ZNF217: variants seen among roughly 807,000 people sequenced by gnomAD.
ZNF217 encodes zinc finger protein 217.
A neutral mutation model predicts 73.3 loss-of-function variants in ZNF217; 12 were observed. The observed-to-expected ratio is 0.16, with a 90% CI of 0.10 to 0.27. ZNF217 has a LOEUF of 0.27. ZNF217 is among the 10% of genes least tolerant of loss of function. The pLI, the probability that ZNF217 is intolerant of heterozygous loss-of-function variation, is 1.00. For missense variants in ZNF217, 1,195 were observed against 1,327.8 expected, an observed-to-expected ratio of 0.90 and a Z score of 1.55; for synonymous variants, 588 against 516.4, an observed-to-expected ratio of 1.14 and a Z score of -1.88.
rs1389920407 is a variant in ZNF217 at position 53,581,215 on chromosome 20, T to A, written c.1366+246A>T. ...AGCAAAACGATACACGTTTAAAAAA[T>A]ATATATATATTTTCAGAACAAGGAG... On this transcript the variant is annotated intron_variant, in intron 2 of 5. Coordinates refer to ENST00000371471, the MANE Select transcript of ZNF217 (RefSeq NM_006526.3). The surrounding 1 kb of genome is among the most constrained non-coding windows in gnomAD (Gnocchi z 4.9). Among the ~76,000 whole-genome samples the A allele has an allele frequency of 6.6e-6, 1 of 152,044 alleles. No individual in the cohort carries two copies. Among genetic ancestry groups the A allele is most frequent in the Non-Finnish European group, 1.5e-5 (1 of 67,994 alleles).
intron 1 of ZNF217, among the ~76,000 whole-genome samples, chr20:53,584,508 T>A (rs1343138980): frequency 8.5e-5 from 13 of 152,256 alleles, no homozygotes; most frequent in Non-Finnish European, 2.9e-5. Context: ...AAGGAAAGAA[T>A]GTCCTGAAGT....
rs773134339 is a variant in ZNF217 at position 53,581,954 on chromosome 20, A to G, written c.873T>C (p.Asp291=). The G allele has an allele frequency of 4.3e-6, 7 of 1,614,140 alleles. No homozygotes were observed. Among genetic ancestry groups the G allele is most frequent in the East Asian group, 2.2e-5 (1 of 44,878 alleles). ...GCCAAGCCTGGAAGGTGGTGAACGG[A>G]TCGAGCTGAGGGATGCATCTGACAG... ...KKPVRCIPQL[D]PFTTFQAWQL... Residue 291 remains aspartate, a synonymous_variant, in exon 2 of 6, where the codon GAT becomes GAC. Transcript: ENST00000371471. This position sits in a 1 kb window ranked among gnomAD's most constrained non-coding sequence, Gnocchi z 4.9.
upstream of ZNF217, among the ~76,000 whole-genome samples, chr20:53,594,187 G>T (rs1988991592): frequency 1.3e-5 from 2 of 151,752 alleles, no homozygotes; most frequent in Admixed American, 6.6e-5. Flanking sequence ...GTCCGCGCGG[G>T]GACAGTGCAG....
rs1299329209 is a variant in ZNF217, at chr20:53,590,605, G to T, written c.-343+3151C>A. 1.1e-4 allele frequency among the ~76,000 whole-genome samples: 16 copies of T among 152,080 alleles called. 1 individual carries two copies. Among genetic ancestry groups the T allele is most frequent in the Admixed American group, 1.0e-3 (16 of 15,266 alleles). On this transcript the variant is annotated intron_variant, in intron 1 of 5. Coordinates refer to ENST00000371471, the MANE Select transcript of ZNF217 (RefSeq NM_006526.3). ...CATGTTTGTGACAACTGTGAGAAAA[G>T]AATGTAATTTTATAAAGTGGGAAAA...
Position 53,567,767 on chromosome 20 carries a change from G to T in ZNF217, c.*1521C>A, listed in dbSNP as rs889733333. The T allele has an allele frequency of 6.6e-6, 1 of 152,584 alleles. No homozygotes were observed. Among genetic ancestry groups the T allele is most frequent in the South Asian group, 2.1e-4 (1 of 4,824 alleles). 9.5% of individuals were successfully genotyped at this position (152,584 alleles called of 1,614,324 possible). A position where few individuals can be genotyped will look rare whatever the true frequency, so the allele number is the denominator to read the frequency against. On this transcript the variant is annotated 3_prime_UTR_variant, in exon 6 of 6. Coordinates refer to ENST00000371471, the MANE Select transcript of ZNF217 (RefSeq NM_006526.3). Reference sequence around the variant, plus strand: ...CAATGCCAACAGACTGATCTCAAATGAGTTCTCCCTTGTAACACAGGAGCT... The same window carrying T: ...CAATGCCAACAGACTGATCTCAAATTAGTTCTCCCTTGTAACACAGGAGCT...
upstream of ZNF217, chr20:53,593,855 C>A (rs1228995195): frequency 7.3e-5 from 3 of 40,924 alleles, no homozygotes; most frequent in Non-Finnish European, 1.5e-4. Context: ...GGAGCGGGCG[C>A]GGAGGGGAGG....
Position 53,567,594 on chromosome 20 carries a change from T to A in ZNF217, c.*1694A>T, listed in dbSNP as rs1351698165. On this transcript the variant is annotated 3_prime_UTR_variant, in exon 6 of 6. Transcript: ENST00000371471. Reference sequence around the variant, plus strand: ...TTGGATTAGGCAAAGATTGAGTCAATCATCTTGCAAATGTGTTAATCTTCA... The same window carrying A: ...TTGGATTAGGCAAAGATTGAGTCAAACATCTTGCAAATGTGTTAATCTTCA... The A allele has an allele frequency of 2.0e-5, 3 of 152,626 alleles. No individual in the cohort carries two copies. The highest frequency in any genetic ancestry group is 4.4e-5 in the Non-Finnish European group (3 of 68,046). The allele number at this position is 152,626 out of a possible 1,614,324, so 9.5% of individuals were successfully genotyped here. A position where few individuals can be genotyped will look rare whatever the true frequency, so the allele number is the denominator to read the frequency against.
chr20:53,585,628 TAGAA>T (rs1568690215), intron 1 of ZNF217, among the ~76,000 whole-genome samples: 1 of 152,170 alleles, frequency 6.6e-6, no homozygotes, highest in African/African-American at 2.4e-5. Flanking sequence ...TATTTATTAA[TAGAA>T]AGATGTTTTG....
rs991760552 is a variant in ZNF217, at chr20:53,582,708, A to G, written c.119T>C (p.Met40Thr). The G allele has an allele frequency of 6.2e-7, 1 of 1,614,148 alleles. No homozygotes were observed. The highest frequency in any genetic ancestry group is 8.5e-7 in the Non-Finnish European group (1 of 1,180,036). Residue 40 changes from methionine to threonine, a missense_variant, in exon 2 of 6, where the codon ATG (methionine) becomes ACG (threonine). Physicochemically the swap from Met to Thr is moderately conservative, Grantham distance 81 (BLOSUM62 -1). This residue lies in a region of ZNF217 where 147 missense variants were observed against 184.3 expected (regional missense o/e 0.80). Coordinates refer to ENST00000371471, the MANE Select transcript of ZNF217 (RefSeq NM_006526.3). The surrounding 1 kb of genome is among the most constrained non-coding windows in gnomAD (Gnocchi z 4.8). Reference sequence around the variant, plus strand: ...GAATGGAACAACAGCGGTCCCTTTCATTGACAAGGCATCCTCCATCTCCAT... The same window carrying G: ...GAATGGAACAACAGCGGTCCCTTTCGTTGACAAGGCATCCTCCATCTCCAT... Reference protein sequence around the residue: ...SPMEMEDALSMKGTAVVPFRA... With the variant: ...SPMEMEDALSTKGTAVVPFRA...
chr20:53,596,984 T>C (rs1989051114), upstream of ZNF217, among the ~76,000 whole-genome samples: 1 of 150,166 alleles, frequency 6.7e-6, no homozygotes, highest in Admixed American at 6.8e-5. Flanking sequence ...CCATTATCTC[T>C]AATTTAATCC....
intron 5 of ZNF217, among the ~76,000 whole-genome samples, chr20:53,569,752 G>A (rs1011649325): frequency 6.6e-6 from 1 of 152,084 alleles, no homozygotes. Flanking sequence ...ATAATGCTGC[G>A]AACTTTGGAG....
Position 53,582,234 on chromosome 20 carries a change from G to A in ZNF217, c.593C>T (p.Thr198Met), listed in dbSNP as rs748104377. The A allele has an allele frequency of 1.8e-5, 29 of 1,614,016 alleles. No individual in the cohort carries two copies. Among genetic ancestry groups the A allele is most frequent in the Admixed American group, 3.3e-5 (2 of 60,010 alleles). Residue 198 changes from threonine to methionine, a missense_variant, in exon 2 of 6, where the codon ACG becomes ATG. Physicochemically the swap from Thr to Met is moderately conservative, Grantham distance 81. This residue lies in a region of ZNF217 where 31 missense variants were observed against 72.2 expected (regional missense o/e 0.43). Coordinates refer to ENST00000371471, the MANE Select transcript of ZNF217 (RefSeq NM_006526.3). The surrounding 1 kb of genome is among the most constrained non-coding windows in gnomAD (Gnocchi z 4.8). ...LQQGLESSPA[T>M]INEVVQVHAA... ...GTGCACCTGGACGACCTCGTTGATC[G>A]TTGCTGGACTACTCTCCAAGCCTTG...
chr20:53,586,732 A>G (rs958684442), intron 1 of ZNF217, among the ~76,000 whole-genome samples: 1 of 152,266 alleles, frequency 6.6e-6, no homozygotes, highest in Admixed American at 6.5e-5. Flanking sequence ...ACAGCAAAAT[A>G]GAAATTCTAA....
chr20:53,581,398 G>C lies in ZNF217; in HGVS notation c.1366+63C>G, dbSNP rs1423435640. On this transcript the variant is annotated intron_variant, in intron 2 of 5. Transcript: ENST00000371471. This position sits in a 1 kb window ranked among gnomAD's most constrained non-coding sequence, Gnocchi z 4.9. ...GTTGTCTGGAGATGGGAATAGAGAG[G>C]GGGAGACGGGGAGACAGACAGACAC... is the stretch of plus-strand genomic sequence containing the variant. 117 of 1,525,366 alleles carry C rather than the reference G, an allele frequency of 7.7e-5. No individual in the cohort carries two copies. The highest frequency in any genetic ancestry group is 1.8e-4 in the Middle Eastern group (1 of 5,416). 94.5% of individuals were successfully genotyped at this position (1,525,366 alleles called of 1,614,324 possible). A position where few individuals can be genotyped will look rare whatever the true frequency, so the allele number is the denominator to read the frequency against.
intron 1 of ZNF217, among the ~76,000 whole-genome samples, chr20:53,587,045 T>C (rs576938750): frequency 6.6e-6 from 1 of 152,330 alleles, no homozygotes; most frequent in African/African-American, 2.4e-5. Context: ...TTTAAAATCT[T>C]TACTCAGGTA....
intron 1 of ZNF217, among the ~76,000 whole-genome samples, chr20:53,586,906 G>A (rs1988715106): frequency 6.6e-6 from 1 of 152,218 alleles, no homozygotes; most frequent in Non-Finnish European, 1.5e-5. Context: ...AACTGGAGGA[G>A]AAAAGCAGGA....
chr20:53,593,029 AG>A (rs557162237), intron 1 of ZNF217, among the ~76,000 whole-genome samples: 3 of 151,538 alleles, frequency 2.0e-5, no homozygotes, highest in Non-Finnish European at 2.9e-5. Flanking sequence ...AAATTAGAGG[AG>A]GGAAAAAAAA....
chr20:53,588,647 CCCACTACTAGA>C (rs1170597757), intron 1 of ZNF217, among the ~76,000 whole-genome samples: 1 of 151,474 alleles, frequency 6.6e-6, no homozygotes, highest in Non-Finnish European at 1.5e-5. Context: ...CACAACTATG[CCCACTACTAGA>C]CCACTACACC....
chr20:53,578,667 T>G (rs1845469426), intron 2 of ZNF217, among the ~76,000 whole-genome samples: 1 of 152,224 alleles, frequency 6.6e-6, no homozygotes, highest in African/African-American at 2.4e-5. Context: ...GTTTTGTTTT[T>G]TTCTGGGTAC....
Sources: gnomAD v4.1 joint callset for allele counts (sites outside exome capture counted in the v4.1 genomes callset) on GRCh38, gnomAD v4.1.1 for gene constraint, gnomAD v4.1.1 regional missense constraint, Gnocchi (gnomAD v3.1) non-coding constraint, MANE v1.5 for transcripts, NCBI Gene and HGNC (gene_info 2026-07-23, HGNC 2026-07-21) for gene names.